PRRG4: variants seen among roughly 807,000 people sequenced by gnomAD.
The protein encoded by PRRG4 is proline rich and Gla domain 4, also known as transmembrane gamma-carboxyglutamic acid protein 4.
A neutral mutation model predicts 20.0 loss-of-function variants in PRRG4; 12 were observed. The observed-to-expected ratio is 0.60, with a 90% confidence interval of 0.38 to 0.97. The LOEUF (loss-of-function observed/expected upper bound fraction) is 0.97, where lower values mean the gene tolerates loss of function less well. PRRG4 is among the 50% of genes least tolerant of loss of function. The pLI is 0.00. For missense variants in PRRG4, 199 were observed against 265.1 expected (o/e 0.75, Z 1.73); for synonymous variants, 94 against 96.4 (o/e 0.98, Z 0.15).
At chr11:32,845,933 T>TC (rs1851126661) in intron 5 of PRRG4, among the ~76,000 whole-genome samples, 1 of 151,758 alleles carries the variant, frequency 6.6e-6, no homozygotes, top group Non-Finnish European at 1.5e-5. Context: ...GGCAGGAAAA[T>TC]CACTTGAGCC....
chr11:32,849,210 A>T (rs2133449819), intron 5 of PRRG4, among the ~76,000 whole-genome samples: 1 of 152,142 alleles, frequency 6.6e-6, no homozygotes, highest in East Asian at 1.9e-4. Flanking sequence ...CAACACAAAA[A>T]ATAGCCTAGT....
chr11:32,850,907 T>TA (rs1299908016), intron 5 of PRRG4, among the ~76,000 whole-genome samples: 2 of 151,628 alleles, frequency 1.3e-5, no homozygotes, highest in Non-Finnish European at 1.5e-5. Flanking sequence ...CAGTCTCTAC[T>TA]AAAAAAAATA....
intron 5 of PRRG4, among the ~76,000 whole-genome samples, chr11:32,849,728 T>G (rs893632337): frequency 2.0e-5 from 3 of 151,932 alleles, no homozygotes; most frequent in Non-Finnish European, 4.4e-5. Context: ...ACAAAGCCCC[T>G]GAAGGATGCC....
At chr11:32,837,147 C>T (rs1044092758) in intron 3 of PRRG4, among the ~76,000 whole-genome samples, 19 of 152,102 alleles carry the variant, frequency 1.2e-4, no homozygotes, top group African/African-American at 4.6e-4. Flanking sequence ...TCATTTATGG[C>T]GGAGTGAATT....
chr11:32,833,995 G>C (rs1471804915), intron 2 of PRRG4, among the ~76,000 whole-genome samples: 2 of 152,132 alleles, frequency 1.3e-5, no homozygotes, highest in African/African-American at 4.8e-5. Context: ...GAAACAGTAA[G>C]TACAAAGGCC....
intron 2 of PRRG4, among the ~76,000 whole-genome samples, chr11:32,831,489 T>G (rs1422290201): frequency 6.6e-6 from 1 of 152,190 alleles, no homozygotes; most frequent in African/African-American, 2.4e-5. Flanking sequence ...TTTGTGTGTG[T>G]TGAGCTAGAA....
chr11:32,830,666 G>T lies in PRRG4; in HGVS notation c.103+34G>T, dbSNP rs750488853. 7 of 1,613,260 alleles carry T rather than the reference G, an allele frequency of 4.3e-6. No individual in the cohort carries two copies. The Admixed American group carries it at 8.3e-5, about 19-fold the overall frequency. On this transcript the variant is annotated intron_variant, in intron 2 of 5. Coordinates refer to ENST00000257836, the MANE Select transcript of PRRG4 (RefSeq NM_024081.6). ...TAAAACGTCCCTGGAACCCAGAGCC[G>T]CATAGCACAGATCTCAGTGAGAAAG... is the stretch of plus-strand genomic sequence containing the variant.
chr11:32,853,693 T>A lies in PRRG4; in HGVS notation c.*166T>A. On this transcript the variant is annotated 3_prime_UTR_variant, in exon 6 of 6. Coordinates refer to ENST00000257836, the MANE Select transcript of PRRG4 (RefSeq NM_024081.6). ...AAATTCAAAAATTACCTAGGCGTCATGGGGCATGCCTGTAGTCCCACCTAC... is the reference window on the plus strand; with the variant it reads ...AAATTCAAAAATTACCTAGGCGTCAAGGGGCATGCCTGTAGTCCCACCTAC... The A allele has an allele frequency of 1.8e-6, 1 of 565,674 alleles. No homozygotes were observed. The highest frequency in any genetic ancestry group is 3.1e-6 in the Non-Finnish European group (1 of 317,692). 35.0% of individuals were successfully genotyped at this position (565,674 alleles called of 1,614,324 possible). A position where few individuals can be genotyped will look rare whatever the true frequency, so the allele number is the denominator to read the frequency against.
intron 5 of PRRG4, among the ~76,000 whole-genome samples, chr11:32,853,059 A>T (rs1002468612): frequency 6.7e-6 from 1 of 148,962 alleles, no homozygotes; most frequent in Non-Finnish European, 1.5e-5. Context: ...AAGTGCTGGG[A>T]TTACAGGCGT....
intron 5 of PRRG4, among the ~76,000 whole-genome samples, chr11:32,850,214 G>A (rs1004574049): frequency 3.3e-5 from 5 of 152,110 alleles, no homozygotes; most frequent in African/African-American, 4.8e-5. Context: ...GTGTCCTCGT[G>A]CTTACACTTT....
At position 32,838,949 on chromosome 11, in the gene PRRG4, A is replaced by C; in HGVS notation, c.316+19A>C. 6.4e-7 allele frequency: 1 copy of C among 1,567,066 alleles called. No individual in the cohort carries two copies. Among genetic ancestry groups the C allele is most frequent in the Non-Finnish European group, 8.8e-7 (1 of 1,137,476 alleles). ...AAATCAGGTAAAACAAGAATTGATC[A>C]AATTTAATGCTTTTCTCATCCTCTC... is the stretch of plus-strand genomic sequence containing the variant. On this transcript the variant is annotated intron_variant, in intron 4 of 5. Coordinates refer to ENST00000257836, the MANE Select transcript of PRRG4 (RefSeq NM_024081.6).
chr11:32,831,841 T>G (rs898476369), intron 2 of PRRG4, among the ~76,000 whole-genome samples: 1 of 151,966 alleles, frequency 6.6e-6, no homozygotes, highest in Admixed American at 6.6e-5. Context: ...GCCAACATGG[T>G]GAAACCCCGT....
At chr11:32,852,272 G>A (rs1030648848) in intron 5 of PRRG4, among the ~76,000 whole-genome samples, 14 of 152,194 alleles carry the variant, frequency 9.2e-5, no homozygotes, top group African/African-American at 3.4e-4. Flanking sequence ...AAAATAAGGT[G>A]TGGCTGCAGT....
Position 32,856,776 on chromosome 11 carries a change from C to T in PRRG4, c.*3249C>T, listed in dbSNP as rs866331158. ...GACAGACAATTCCATATAGAATATT[C>T]TCTTTTGATAATGAAAAAAATTAAA... On this transcript the variant is annotated 3_prime_UTR_variant, in exon 6 of 6. Coordinates refer to ENST00000257836, the MANE Select transcript of PRRG4 (RefSeq NM_024081.6). 1 of 152,132 alleles carries T rather than the reference C, an allele frequency of 6.6e-6. No homozygotes were observed. Among genetic ancestry groups the T allele is most frequent in the South Asian group, 2.1e-4 (1 of 4,828 alleles). The allele number at this position is 152,132 out of a possible 1,614,324, so 9.4% of individuals were successfully genotyped here.
intron 5 of PRRG4, among the ~76,000 whole-genome samples, chr11:32,846,765 C>A (rs2050229): frequency 6.6e-6 from 1 of 152,026 alleles, no homozygotes; most frequent in African/African-American, 2.4e-5. Context: ...TTTAGGAGGC[C>A]GAGGCAGGCG....
At position 32,856,467 on chromosome 11, in the gene PRRG4, A is replaced by C. The variant is rs1851228384; in HGVS notation, c.*2940A>C. ...ATAATGATTGAAGGGAAAGTATCTC[A>C]ACATTGTATCAGTCACATATATTTC... On this transcript the variant is annotated 3_prime_UTR_variant, in exon 6 of 6. Coordinates refer to ENST00000257836, the MANE Select transcript of PRRG4 (RefSeq NM_024081.6). 1 of 152,222 alleles carries C rather than the reference A, an allele frequency of 6.6e-6. No homozygotes were observed. The highest frequency in any genetic ancestry group is 2.4e-5 in the African/African-American group (1 of 41,448). The allele number at this position is 152,222 out of a possible 1,614,324, so 9.4% of individuals were successfully genotyped here. A position where few individuals can be genotyped will look rare whatever the true frequency, so the allele number is the denominator to read the frequency against.
intron 4 of PRRG4, among the ~76,000 whole-genome samples, chr11:32,839,240 A>G (rs1417229258): frequency 6.6e-6 from 1 of 152,226 alleles, no homozygotes; most frequent in Non-Finnish European, 1.5e-5. Context: ...GATGTAAGCT[A>G]TTTTAACTTT....
Position 32,853,712 on chromosome 11 carries a change from CACCT to C in PRRG4, c.*188_*191del. Reference sequence around the variant, plus strand: ...GCGTCATGGGGCATGCCTGTAGTCCCACCTACTTGGGAGGCTGAAGCAGGAGAAT... The same window carrying C: ...GCGTCATGGGGCATGCCTGTAGTCCCACTTGGGAGGCTGAAGCAGGAGAAT... On this transcript the variant is annotated 3_prime_UTR_variant, in exon 6 of 6. Transcript: ENST00000257836. The C allele has an allele frequency of 1.9e-6, 1 of 531,824 alleles. No homozygotes were observed. Among genetic ancestry groups the C allele is most frequent in the Non-Finnish European group, 3.4e-6 (1 of 295,768 alleles). The allele number at this position is 531,824 out of a possible 1,614,324, so 32.9% of individuals were successfully genotyped here.
At chr11:32,836,619 A>G (rs770585633) in intron 2 of PRRG4, 39 bp from the exon 3 acceptor site, 11 of 1,231,146 alleles carry the variant, frequency 8.9e-6, no homozygotes, top group African/African-American at 3.0e-5. Context: ...TTTTGACTAT[A>G]TTTGATCAAT....
Sources: allele counts gnomAD v4.1 joint callset (sites outside exome capture counted in the v4.1 genomes callset), GRCh38; gene constraint gnomAD v4.1.1; transcripts MANE v1.5; gene names NCBI Gene and HGNC (gene_info 2026-07-23, HGNC 2026-07-21).